Variants in ROR1 observed in about 807,000 individuals in gnomAD.
ROR1 encodes inactive tyrosine-protein kinase transmembrane receptor ROR1.
In ROR1, 19 loss-of-function variants were observed where a neutral mutation model predicts 78.8. The observed-to-expected ratio is 0.24, with a 90% CI of 0.17 to 0.35. The LOEUF is 0.35. Among genes scored for constraint, ROR1 ranks in the 10% least tolerant of loss-of-function variants. ROR1 has a pLI of 1.00. For missense variants in ROR1, 917 were observed against 1,177.8 expected, an observed-to-expected ratio of 0.78 and a Z score of 3.24; for synonymous variants, 386 against 433.6, an observed-to-expected ratio of 0.89 and a Z score of 1.36.
intron 2 of ROR1, among the ~76,000 whole-genome samples, chr1:64,020,438 T>G (rs1646555920): frequency 1.3e-5 from 2 of 152,222 alleles, no homozygotes. Context: ...GCAGAAACAT[T>G]CTTCCCTTTG....
intron 1 of ROR1, among the ~76,000 whole-genome samples, chr1:63,957,446 A>G (rs1238454806): frequency 6.6e-6 from 1 of 152,182 alleles, no homozygotes; most frequent in Non-Finnish European, 1.5e-5. Context: ...GCCAACAAGC[A>G]AACCTCTTCT....
At chr1:64,110,947 G>C (rs1325339542) in intron 4 of ROR1, 3 of 151,770 alleles carry the variant, frequency 2.0e-5, no homozygotes, top group African/African-American at 7.3e-5. Context: ...CAAAATGCCT[G>C]CTAAGAAACT....
At chr1:63,839,430 G>C (rs1004595723) in intron 1 of ROR1, among the ~76,000 whole-genome samples, 2 of 151,726 alleles carry the variant, frequency 1.3e-5, no homozygotes, top group African/African-American at 4.8e-5. Context: ...CCATTAATCT[G>C]TCTGTAATAC....
chr1:64,133,228 C>A (rs1648983915), intron 4 of ROR1, among the ~76,000 whole-genome samples: 1 of 152,120 alleles, frequency 6.6e-6, no homozygotes, highest in African/African-American at 2.4e-5. Flanking sequence ...GCCATGTCCG[C>A]ATCGAAGTGC....
At chr1:63,831,570 G>A (rs1304994223) in intron 1 of ROR1, among the ~76,000 whole-genome samples, 4 of 152,188 alleles carry the variant, frequency 2.6e-5, no homozygotes, top group African/African-American at 9.7e-5. Context: ...TCCTGAGGCT[G>A]CACAGAACAG....
intron 4 of ROR1, among the ~76,000 whole-genome samples, chr1:64,083,670 G>A (rs61765406): frequency 0.15 from 22,609 of 151,912 alleles, 1,774 homozygotes; most frequent in Middle Eastern, 0.2. Flanking sequence ...GAGGCCAGAG[G>A]GAGGGGTTAG....
At chr1:63,955,832 A>C (rs1215245512) in intron 1 of ROR1, among the ~76,000 whole-genome samples, 2 of 152,164 alleles carry the variant, frequency 1.3e-5, no homozygotes, top group Non-Finnish European at 2.9e-5. Context: ...ATTGCCAAGC[A>C]AGTGTGACTC....
At chr1:63,956,256 C>G (rs1045066959) in intron 1 of ROR1, among the ~76,000 whole-genome samples, 1 of 152,190 alleles carries the variant, frequency 6.6e-6, no homozygotes, top group African/African-American at 2.4e-5. Context: ...CTGTATCGCT[C>G]TAGCTGGGTG....
chr1:63,998,006 G>A (rs999383511), intron 1 of ROR1, among the ~76,000 whole-genome samples: 1 of 152,088 alleles, frequency 6.6e-6, no homozygotes, highest in Admixed American at 6.6e-5. Flanking sequence ...AGTCTTAGAG[G>A]TATGAAGTAA....
At chr1:63,780,957 G>A (rs1009541891) in intron 1 of ROR1, among the ~76,000 whole-genome samples, 1 of 152,128 alleles carries the variant, frequency 6.6e-6, no homozygotes, top group Non-Finnish European at 1.5e-5. Context: ...AATGGCCGGA[G>A]GAAAGGATCC....
intron 4 of ROR1, among the ~76,000 whole-genome samples, chr1:64,115,352 G>A (rs537899730): frequency 2.6e-5 from 4 of 151,976 alleles, no homozygotes; most frequent in Non-Finnish European, 5.9e-5. Context: ...AAGAGCTGGG[G>A]CTACAGGCAC....
intron 1 of ROR1, among the ~76,000 whole-genome samples, chr1:63,847,865 G>T (rs1243787796): frequency 6.6e-6 from 1 of 152,126 alleles, no homozygotes; most frequent in Non-Finnish European, 1.5e-5. Flanking sequence ...CGGTTAGATG[G>T]TGCATGGGGA....
At position 63,902,613 on chromosome 1, in the gene ROR1, C is replaced by T. The variant is rs1052800804; in HGVS notation, c.92-106692C>T. ...TGCTGAGATTACAGGCATGAGCCAC[C>T]GTTGCCCAGCCAAAAGATGTGGATT... On this transcript the variant is annotated intron_variant, in intron 1 of 8. Transcript: ENST00000371079. Among the ~76,000 whole-genome samples the T allele has an allele frequency of 3.3e-5, 5 of 152,124 alleles. No homozygotes were observed. In the East Asian group the frequency reaches 5.8e-4, roughly 18 times the overall value.
intron 1 of ROR1, among the ~76,000 whole-genome samples, chr1:64,006,812 G>A (rs1646431383): frequency 6.6e-6 from 1 of 152,106 alleles, no homozygotes; most frequent in Non-Finnish European, 1.5e-5. Context: ...AAGCCAAGGA[G>A]GTCTGCACAA....
At chr1:63,801,870 T>G (rs1644799903) in intron 1 of ROR1, among the ~76,000 whole-genome samples, 1 of 152,210 alleles carries the variant, frequency 6.6e-6, no homozygotes, top group Non-Finnish European at 1.5e-5. Flanking sequence ...GCTGTCTTCT[T>G]TCACAACCAC....
intron 1 of ROR1, among the ~76,000 whole-genome samples, chr1:63,899,457 A>G (rs1417151304): frequency 1.3e-5 from 2 of 152,138 alleles, no homozygotes; most frequent in East Asian, 3.9e-4. Flanking sequence ...GCAATTCTTC[A>G]AAACGATATT....
intron 1 of ROR1, among the ~76,000 whole-genome samples, chr1:63,930,405 A>G (rs981836929): frequency 6.6e-6 from 1 of 152,340 alleles, no homozygotes; most frequent in African/African-American, 2.4e-5. Flanking sequence ...CATAAAAATC[A>G]TCGTAAATCT....
chr1:64,007,377 A>AGTGTGT (rs59753220), intron 1 of ROR1, among the ~76,000 whole-genome samples: 78,128 of 145,770 alleles, frequency 0.54, 23,935 homozygotes, highest in East Asian at 0.77. Context: ...TAATGTTCTG[A>AGTGTGT]GTGTGTGTGT....
intron 1 of ROR1, among the ~76,000 whole-genome samples, chr1:63,820,257 C>A (rs1183162448): frequency 1.3e-5 from 2 of 152,260 alleles, no homozygotes; most frequent in East Asian, 3.9e-4. Context: ...TGGTGGCTCT[C>A]CCTGTCCCCC....
Sources: gnomAD v4.1 joint callset for allele counts (sites outside exome capture counted in the v4.1 genomes callset) on GRCh38, gnomAD v4.1.1 for gene constraint, MANE v1.5 for transcripts, NCBI Gene and HGNC (gene_info 2026-07-23, HGNC 2026-07-21) for gene names.